Variants in TNFSF4 observed in about 807,000 individuals in gnomAD.
The protein encoded by TNFSF4 is TNF superfamily member 4.
Under a neutral mutation model 7.3 loss-of-function variants are expected in TNFSF4, and 4 were observed. That is an observed-to-expected ratio of 0.55 (90% CI 0.27 to 1.25). The LOEUF (loss-of-function observed/expected upper bound fraction) is 1.25. Ranked by LOEUF, TNFSF4 falls within the 50% of genes most tolerant of loss-of-function variation. The probability of loss-of-function intolerance (pLI) is 0.12; values close to 1 mark genes in which losing one functional copy is unlikely to be tolerated. For missense variants in TNFSF4, 181 were observed against 208.8 expected, an observed-to-expected ratio of 0.87 and a Z score of 0.82; for synonymous variants, 76 against 83.7, an observed-to-expected ratio of 0.91 and a Z score of 0.50.
chr1:173,278,441 C>T, the TNFSF4 span, among the ~76,000 whole-genome samples: 1 of 152,120 alleles, frequency 6.6e-6, no homozygotes, highest in Non-Finnish European at 1.5e-5. Context: ...TTCCAACTGG[C>T]ATGGACTACT....
chr1:173,387,522 T>C, the TNFSF4 span, among the ~76,000 whole-genome samples: 1 of 152,212 alleles, frequency 6.6e-6, no homozygotes. Context: ...AGGTATTTTG[T>C]TATAAAGCAA....
the TNFSF4 span, among the ~76,000 whole-genome samples, chr1:173,315,827 T>C: frequency 3.0e-4 from 45 of 152,308 alleles, no homozygotes; most frequent in Middle Eastern, 6.8e-3. Context: ...TTGCAAATAT[T>C]TTCTTCCAAT....
the TNFSF4 span, among the ~76,000 whole-genome samples, chr1:173,217,914 AT>A: frequency 6.6e-6 from 1 of 151,584 alleles, no homozygotes; most frequent in African/African-American, 2.4e-5. Context: ...TGTACAGCTA[AT>A]TTTTTTTATT....
chr1:173,198,780 G>A (rs1490540387), intron 1 of TNFSF4, among the ~76,000 whole-genome samples: 2 of 152,150 alleles, frequency 1.3e-5, no homozygotes, highest in Non-Finnish European at 2.9e-5. Flanking sequence ...ATGATCCCTA[G>A]TGTTGTGCAT....
chr1:173,210,534 A>G (rs1650337639), upstream of TNFSF4, among the ~76,000 whole-genome samples: 1 of 152,200 alleles, frequency 6.6e-6, no homozygotes. Flanking sequence ...GAAGAGGCTC[A>G]GAAGAATCTG....
chr1:173,224,956 A>G, the TNFSF4 span, among the ~76,000 whole-genome samples: 2 of 152,002 alleles, frequency 1.3e-5, 1 homozygote, highest in Admixed American at 1.3e-4. Context: ...TCTGGTAATC[A>G]TCTCCCCTTC....
chr1:173,436,921 T>C, the TNFSF4 span, among the ~76,000 whole-genome samples: 60 of 152,342 alleles, frequency 3.9e-4, no homozygotes, highest in African/African-American at 1.4e-3. Context: ...GGCTTTTGGC[T>C]ACCGGGAGGT....
the TNFSF4 span, among the ~76,000 whole-genome samples, chr1:173,234,624 G>T: frequency 7.2e-5 from 11 of 152,096 alleles, no homozygotes; most frequent in Non-Finnish European, 1.5e-4. Flanking sequence ...CATAAAAAAG[G>T]ATGAGTTAGT....
the TNFSF4 span, among the ~76,000 whole-genome samples, chr1:173,421,158 A>G: frequency 6.6e-6 from 1 of 152,224 alleles, no homozygotes; most frequent in South Asian, 2.1e-4. Context: ...GTTAAATTTG[A>G]ATTTCAGATA....
chr1:173,205,525 T>C lies in TNFSF4; in HGVS notation c.153+1499A>G, dbSNP rs1650149212. 2.5e-5 allele frequency: 34 copies of C among 1,384,360 alleles called. No individual in the cohort carries two copies. In the Middle Eastern group the frequency reaches 7.3e-4, roughly 30 times the overall value. The allele number at this position is 1,384,360 out of a possible 1,614,324, so 85.8% of individuals were successfully genotyped here. ...CTGCTCAGAGCCGTTGTGCAATCAGTTAGCCTTGAATGGAGCCATGTGTCC... is the reference window on the plus strand; with the variant it reads ...CTGCTCAGAGCCGTTGTGCAATCAGCTAGCCTTGAATGGAGCCATGTGTCC... On this transcript the variant is annotated intron_variant, in intron 1 of 2. Transcript: ENST00000281834.
chr1:173,299,305 C>T, the TNFSF4 span, among the ~76,000 whole-genome samples: 1 of 151,830 alleles, frequency 6.6e-6, no homozygotes, highest in African/African-American at 2.4e-5. Flanking sequence ...AGCTGCTTTG[C>T]CCAAGATCAT....
At chr1:173,176,291 C>A in the TNFSF4 span, among the ~76,000 whole-genome samples, 1 of 152,010 alleles carries the variant, frequency 6.6e-6, no homozygotes, top group Non-Finnish European at 1.5e-5. Flanking sequence ...AGGGAAGAAC[C>A]TGAACTTACA....
chr1:173,356,919 T>G, the TNFSF4 span, among the ~76,000 whole-genome samples: 1 of 152,116 alleles, frequency 6.6e-6, no homozygotes, highest in East Asian at 1.9e-4. Flanking sequence ...TTGCCATGGG[T>G]GTGGTGGCAG....
the TNFSF4 span, among the ~76,000 whole-genome samples, chr1:173,356,707 C>A: frequency 1.3e-5 from 2 of 152,228 alleles, no homozygotes. Flanking sequence ...GTTTCACATG[C>A]CTGGTCATGC....
the TNFSF4 span, among the ~76,000 whole-genome samples, chr1:173,243,593 A>G: frequency 1.3e-5 from 2 of 152,234 alleles, no homozygotes; most frequent in African/African-American, 4.8e-5. Flanking sequence ...TCCCCAAAAC[A>G]AAACATGAAA....
chr1:173,373,967 T>G, the TNFSF4 span, among the ~76,000 whole-genome samples: 2 of 152,116 alleles, frequency 1.3e-5, no homozygotes, highest in Admixed American at 1.3e-4. Context: ...GGATACAATA[T>G]CACCTTCACT....
chr1:173,269,399 AT>A, the TNFSF4 span, among the ~76,000 whole-genome samples: 1 of 152,030 alleles, frequency 6.6e-6, no homozygotes, highest in Non-Finnish European at 1.5e-5. Flanking sequence ...TCAACATACA[AT>A]TTTTTTCTTT....
the TNFSF4 span, among the ~76,000 whole-genome samples, chr1:173,173,379 G>T: frequency 6.6e-6 from 1 of 152,196 alleles, no homozygotes; most frequent in African/African-American, 2.4e-5. Flanking sequence ...AAGAAAGTTA[G>T]TTACTTCCAA....
the TNFSF4 span, among the ~76,000 whole-genome samples, chr1:173,237,934 G>T: frequency 6.6e-5 from 10 of 152,198 alleles, no homozygotes; most frequent in East Asian, 1.9e-3. Flanking sequence ...AACCAAAAAT[G>T]AGCCAGAATA....
Sources: gnomAD v4.1 joint callset for allele counts (sites outside exome capture counted in the v4.1 genomes callset) on GRCh38, gnomAD v4.1.1 for gene constraint, MANE v1.5 for transcripts, NCBI Gene and HGNC (gene_info 2026-07-23, HGNC 2026-07-21) for gene names.